Variants in RANBP2 observed in about 807,000 individuals in gnomAD.
RANBP2 encodes E3 SUMO-protein ligase RanBP2.
A neutral mutation model predicts 303.6 loss-of-function variants in RANBP2; 57 were observed. The ratio of observed to expected loss-of-function variants is 0.19; its 90% CI spans 0.15 to 0.23. The LOEUF (loss-of-function observed/expected upper bound fraction) is 0.23. Ranked by LOEUF, RANBP2 falls within the 10% of genes least tolerant of loss-of-function variation. The pLI, the probability that RANBP2 is intolerant of heterozygous loss-of-function variation, is 1.00. For synonymous variants in RANBP2, 1,167 were observed against 1,301.5 expected (o/e 0.90, Z 2.23); for missense variants, 3,138 against 3,780.8 (o/e 0.83, Z 4.46).
At chr2:109,195,998 T>A in the RANBP2 span, among the ~76,000 whole-genome samples, 1 of 152,196 alleles carries the variant, frequency 6.6e-6, no homozygotes. Flanking sequence ...AAACTCCCAT[T>A]TGCAGTAGCA....
chr2:108,840,399 A>G, the RANBP2 span, among the ~76,000 whole-genome samples: 1 of 152,188 alleles, frequency 6.6e-6, no homozygotes, highest in Non-Finnish European at 1.5e-5. Flanking sequence ...GAAATTATGT[A>G]GACTAAGTGT....
At chr2:108,777,375 G>C (rs1489910647) in intron 25 of RANBP2, 144 bp downstream of exon 25, 2 of 570,792 alleles carry the variant, frequency 3.5e-6, no homozygotes, top group African/African-American at 4.9e-5. Context: ...ATAATGAAGG[G>C]CTTCTACACT....
At chr2:109,647,267 G>A in the RANBP2 span, among the ~76,000 whole-genome samples, 9 of 145,516 alleles carry the variant, frequency 6.2e-5, no homozygotes, top group Middle Eastern at 3.8e-3. Context: ...GGGTTCAAGC[G>A]ATTCTTCTGC....
At chr2:109,361,214 G>A in the RANBP2 span, among the ~76,000 whole-genome samples, 1 of 152,012 alleles carries the variant, frequency 6.6e-6, no homozygotes, top group African/African-American at 2.4e-5. Context: ...ATACCTTGTT[G>A]GATTAAATTT....
At chr2:109,315,071 T>G in the RANBP2 span, among the ~76,000 whole-genome samples, 4 of 152,228 alleles carry the variant, frequency 2.6e-5, no homozygotes. Flanking sequence ...ACGACACGTT[T>G]CCATCAGTGC....
chr2:109,005,931 C>T, the RANBP2 span, among the ~76,000 whole-genome samples: 2 of 152,168 alleles, frequency 1.3e-5, no homozygotes, highest in Non-Finnish European at 2.9e-5. Context: ...GCTTCGGAGT[C>T]GTGGAGCTGC....
At chr2:109,561,971 T>TCAAGGCCAGGAATTCCTGACCC in the RANBP2 span, among the ~76,000 whole-genome samples, 2 of 152,052 alleles carry the variant, frequency 1.3e-5, no homozygotes, top group South Asian at 4.2e-4. Context: ...CCCCAGGAAT[T>TCAAGGCCAGGAATTCCTGACCC]CAAGGCCAGG....
chr2:108,904,819 G>A, the RANBP2 span, among the ~76,000 whole-genome samples: 2 of 152,144 alleles, frequency 1.3e-5, no homozygotes, highest in Non-Finnish European at 2.9e-5. Context: ...TGAGGGTGGG[G>A]TGGGTGGAAA....
At chr2:109,291,004 C>G in the RANBP2 span, among the ~76,000 whole-genome samples, 2 of 152,362 alleles carry the variant, frequency 1.3e-5, no homozygotes, top group East Asian at 3.9e-4. Context: ...GATGAGCTGA[C>G]TGCCTGGAGC....
chr2:108,738,221 G>A (rs1402891107), intron 6 of RANBP2, among the ~76,000 whole-genome samples: 1 of 151,330 alleles, frequency 6.6e-6, no homozygotes, highest in Non-Finnish European at 1.5e-5. Flanking sequence ...GCCTACAGGT[G>A]CCCGCCACCA....
chr2:109,008,816 A>G, the RANBP2 span, among the ~76,000 whole-genome samples: 15 of 151,542 alleles, frequency 9.9e-5, no homozygotes, highest in Admixed American at 2.6e-4. Flanking sequence ...GCAGAATAGT[A>G]TGAACCCAGG....
At chr2:108,781,545 A>G (rs1399839182) in intron 26 of RANBP2, 116 bp downstream of exon 26, 2 of 944,544 alleles carry the variant, frequency 2.1e-6, no homozygotes, top group African/African-American at 1.7e-5. Flanking sequence ...ACTGTTTGAA[A>G]TGGAAGCTCT....
intron 25 of RANBP2, among the ~76,000 whole-genome samples, 171 bp downstream of exon 25, chr2:108,777,402 A>G (rs1677969760): frequency 1.3e-5 from 2 of 152,132 alleles, no homozygotes; most frequent in African/African-American, 2.4e-5. Flanking sequence ...TTTGACGTCA[A>G]TATAATCTTA....
chr2:109,452,123 G>A, the RANBP2 span, among the ~76,000 whole-genome samples: 1 of 152,180 alleles, frequency 6.6e-6, no homozygotes, highest in African/African-American at 2.4e-5. Flanking sequence ...TTGCAGCAGG[G>A]CCCAAGGCAT....
the RANBP2 span, among the ~76,000 whole-genome samples, chr2:109,385,676 C>T: frequency 3.3e-5 from 5 of 152,332 alleles, no homozygotes; most frequent in East Asian, 9.7e-4. Context: ...GGGAGCACCC[C>T]ACACAAGCTC....
chr2:108,768,903 C>T (rs1396445183), intron 20 of RANBP2, among the ~76,000 whole-genome samples: 2 of 151,888 alleles, frequency 1.3e-5, no homozygotes, highest in Non-Finnish European at 2.9e-5. Flanking sequence ...CGTCGTGGTG[C>T]GTGCCTATAA....
the RANBP2 span, among the ~76,000 whole-genome samples, chr2:109,271,606 C>A: frequency 6.6e-6 from 1 of 152,214 alleles, no homozygotes; most frequent in Non-Finnish European, 1.5e-5. Flanking sequence ...GAGTGGGGAC[C>A]AACAATGGGG....
the RANBP2 span, among the ~76,000 whole-genome samples, chr2:109,466,908 T>G: frequency 1.4e-4 from 21 of 152,230 alleles, no homozygotes; most frequent in African/African-American, 4.6e-4. Context: ...TTTGTGTATG[T>G]GTGTCTATAT....
chr2:109,718,527 A>G, the RANBP2 span, among the ~76,000 whole-genome samples: 1 of 152,206 alleles, frequency 6.6e-6, no homozygotes, highest in Non-Finnish European at 1.5e-5. Flanking sequence ...TCTGTAGAGT[A>G]GATTTGTAGT....
Sources: gnomAD v4.1 joint callset for allele counts (sites outside exome capture counted in the v4.1 genomes callset) on GRCh38, gnomAD v4.1.1 for gene constraint, MANE v1.5 for transcripts, NCBI Gene and HGNC (gene_info 2026-07-23, HGNC 2026-07-21) for gene names.